Variants in POP1 observed in about 807,000 individuals in gnomAD.
POP1 encodes the protein POP1 ribonuclease P/MRP subunit.
POP1 carries 75 observed loss-of-function variants against 102.2 expected under a neutral mutation model. The ratio of observed to expected loss-of-function variants is 0.73; its 90% confidence interval spans 0.61 to 0.89. The LOEUF is 0.89. Ranked by LOEUF, POP1 falls within the 40% of genes least tolerant of loss-of-function variation. POP1 has a pLI of 0.00. For missense variants in POP1, 1,116 were observed against 1,267.4 expected (o/e 0.88, Z 1.81); for synonymous variants, 436 against 464.1 (o/e 0.94, Z 0.78).
At chr8:98,128,570 G>A (rs1816282564) in intron 4 of POP1, 30 bp downstream of exon 4, 1 of 1,606,384 alleles carries the variant, frequency 6.2e-7, no homozygotes, top group East Asian at 2.2e-5. Context: ...TAAATGTTTA[G>A]ATTAGTAGCT....
rs1809747158 is a variant in POP1 at position 98,159,511 on chromosome 8, C to G, written c.*1240C>G. ...GGCTTGCTCATAGCCTTGGTCCTTA[C>G]CTTTCCTGCCATAACTTTCTAGAAG... On this transcript the variant is annotated 3_prime_UTR_variant, in exon 16 of 16. Transcript: ENST00000401707. 1.3e-5 allele frequency: 2 copies of G among 152,138 alleles called. No individual in the cohort carries two copies. Among genetic ancestry groups the G allele is most frequent in the Non-Finnish European group, 2.9e-5 (2 of 68,034 alleles). 9.4% of individuals were successfully genotyped at this position (152,138 alleles called of 1,614,324 possible).
chr8:98,131,485 T>C (rs12549651), intron 5 of POP1, among the ~76,000 whole-genome samples: 4,608 of 152,342 alleles, frequency 0.03, 102 homozygotes, highest in South Asian at 0.064. Flanking sequence ...TACCGTATCT[T>C]GATTATTCAT....
At position 98,117,306 on chromosome 8, in the gene POP1, C is replaced by G; in HGVS notation, c.-87C>G. 3.4e-6 allele frequency: 2 copies of G among 595,254 alleles called. No individual in the cohort carries two copies. Among genetic ancestry groups the G allele is most frequent in the Non-Finnish European group, 3.0e-6 (1 of 335,798 alleles). 36.9% of individuals were successfully genotyped at this position (595,254 alleles called of 1,614,324 possible). Reference sequence around the variant, plus strand: ...CCGGTCTGGCGCATGCGCTCTCCAGCGCGCTCTCCAGGAGCTTTGGCTCGG... The same window carrying G: ...CCGGTCTGGCGCATGCGCTCTCCAGGGCGCTCTCCAGGAGCTTTGGCTCGG... On this transcript the variant is annotated 5_prime_UTR_variant, in exon 1 of 16. Transcript: ENST00000401707.
intron 14 of POP1, among the ~76,000 whole-genome samples, chr8:98,153,272 G>A (rs1275362991): frequency 1.3e-5 from 2 of 152,138 alleles, no homozygotes; most frequent in South Asian, 4.1e-4. Context: ...ACCTGGCCAC[G>A]TAGCTTATGT....
chr8:98,124,836 C>T (rs974109193), intron 2 of POP1, among the ~76,000 whole-genome samples: 1 of 152,120 alleles, frequency 6.6e-6, no homozygotes, highest in South Asian at 2.1e-4. Context: ...ATTTTAGAAC[C>T]TTATGAAGTG....
At chr8:98,148,429 A>C (rs567258438) in intron 12 of POP1, among the ~76,000 whole-genome samples, 1 of 152,312 alleles carries the variant, frequency 6.6e-6, no homozygotes, top group African/African-American at 2.4e-5. Context: ...GAGGCAGTGC[A>C]TTTCTCTAGT....
rs372595102 is a variant in POP1 at position 98,158,180 on chromosome 8, C to T, written c.2984C>T (p.Ser995Phe). The T allele has an allele frequency of 2.5e-5, 41 of 1,611,490 alleles. No homozygotes were observed. In the African/African-American group the frequency reaches 5.1e-4, roughly 20 times the overall value. Residue 995 changes from serine to phenylalanine, a missense_variant, in exon 16 of 16, where the codon TCC becomes TTC. Transcript: ENST00000401707. Reference sequence around the variant, plus strand: ...TTGACAGGCTTGCTGGATATGCTGTCCAGCCAGCCTGCAGCGCAGAGGGGC... The same window carrying T: ...TTGACAGGCTTGCTGGATATGCTGTTCAGCCAGCCTGCAGCGCAGAGGGGC... ...VSLTGLLDML[S>F]SQPAAQRGLV...
intron 4 of POP1, among the ~76,000 whole-genome samples, chr8:98,128,780 C>T (rs1343497722): frequency 2.6e-5 from 4 of 151,982 alleles, no homozygotes; most frequent in African/African-American, 4.8e-5. Context: ...ATTAGCTGGG[C>T]GTGATGGTAC....
intron 2 of POP1, 116 bp from the exon 3 acceptor site, chr8:98,127,479 C>G: frequency 8.0e-7 from 1 of 1,248,644 alleles, no homozygotes; most frequent in Middle Eastern, 1.9e-4. Flanking sequence ...AGCCACCTTA[C>G]AGGGTGACTA....
chr8:98,156,749 GA>G (rs1420171744), intron 15 of POP1, among the ~76,000 whole-genome samples: 1 of 151,988 alleles, frequency 6.6e-6, no homozygotes, highest in Non-Finnish European at 1.5e-5. Flanking sequence ...AGTTCCTTTT[GA>G]ATTATATGGA....
chr8:98,129,040 C>A (rs1370628907), intron 4 of POP1, among the ~76,000 whole-genome samples: 1 of 152,004 alleles, frequency 6.6e-6, no homozygotes, highest in African/African-American at 2.4e-5. Context: ...AGGCAATTGG[C>A]TATTATGGGT....
At chr8:98,145,331 G>A (rs62522195) in intron 11 of POP1, among the ~76,000 whole-genome samples, 34,216 of 152,126 alleles carry the variant, frequency 0.22, 4,891 homozygotes, top group African/African-American at 0.41. Context: ...CAGCAGGCAG[G>A]TATGTGCCTT....
chr8:98,132,483 T>A (rs915925989), intron 5 of POP1, among the ~76,000 whole-genome samples: 1 of 152,238 alleles, frequency 6.6e-6, no homozygotes, highest in Non-Finnish European at 1.5e-5. Flanking sequence ...TGACATGCGT[T>A]GTCAGAATCA....
In POP1 at chr8:98,134,167, T is replaced by C. The variant is rs1402806716; in HGVS notation, c.823+131T>C. 9.4e-5 allele frequency: 72 copies of C among 764,974 alleles called. 1 individual carries two copies. Among genetic ancestry groups the C allele is most frequent in the Non-Finnish European group, 6.7e-6 (3 of 446,120 alleles). The allele number at this position is 764,974 out of a possible 1,614,324, so 47.4% of individuals were successfully genotyped here. A position where few individuals can be genotyped will look rare whatever the true frequency, so the allele number is the denominator to read the frequency against. On this transcript the variant is annotated intron_variant, in intron 6 of 15. Coordinates refer to ENST00000401707, the MANE Select transcript of POP1 (RefSeq NM_001145860.2). ...TGTGTGAGACACTAATCATTCCCAA[T>C]GAAAATGTTAACTTAAAAACAGTTG...
chr8:98,152,441 TC>T (rs1202865245), intron 14 of POP1, among the ~76,000 whole-genome samples: 2 of 152,214 alleles, frequency 1.3e-5, no homozygotes, highest in Non-Finnish European at 1.5e-5. Flanking sequence ...TGTGGAGCCC[TC>T]GGTCTCCATG....
intron 14 of POP1, 63 bp from the exon 15 acceptor site, chr8:98,155,987 A>G: frequency 7.1e-6 from 11 of 1,545,406 alleles, no homozygotes; most frequent in Non-Finnish European, 9.8e-6. Flanking sequence ...TAATGGTTAT[A>G]ATTATTTTAG....
chr8:98,128,668 C>T, intron 4 of POP1, 128 bp downstream of exon 4: 2 of 1,090,750 alleles, frequency 1.8e-6, no homozygotes, highest in Non-Finnish European at 2.7e-6. Flanking sequence ...CCTGTAATCT[C>T]AGCACTTTGA....
Position 98,157,737 on chromosome 8 carries a change from C to T in POP1, c.2541C>T (p.Ser847=), listed in dbSNP as rs369030084. The change falls in exon 16 of 16, where the codon TCC becomes TCT. Residue 847 remains serine (S), a synonymous_variant. Transcript: ENST00000401707. ...QQGLTREACL[S]ILGHFPRALV... ...GATTGACCAGAGAGGCTTGCCTGTC[C>T]ATCTTGGGCCACTTCCCCAGGGCCC... 2 of 1,614,200 alleles carry T rather than the reference C, an allele frequency of 1.2e-6. No homozygotes were observed. The highest frequency in any genetic ancestry group is 3.3e-5 in the Admixed American group (2 of 60,028).
At chr8:98,129,886 T>A in intron 4 of POP1, 92 bp from the exon 5 acceptor site, 3 of 1,425,660 alleles carry the variant, frequency 2.1e-6, no homozygotes, top group Non-Finnish European at 2.9e-6. Context: ...AATATTCCAC[T>A]TAATCTAAAG....
Sources: gnomAD v4.1 joint callset for allele counts (sites outside exome capture counted in the v4.1 genomes callset) on GRCh38, gnomAD v4.1.1 for gene constraint, MANE v1.5 for transcripts, NCBI Gene and HGNC (gene_info 2026-07-23, HGNC 2026-07-21) for gene names.